Variants in KCNB2 observed in about 807,000 individuals in gnomAD.
KCNB2 encodes the protein delayed rectifier potassium channel protein.
KCNB2 carries 15 observed loss-of-function variants against 61.5 expected under a neutral mutation model. That is an observed-to-expected ratio of 0.24 (90% CI 0.16 to 0.38). The LOEUF (loss-of-function observed/expected upper bound fraction) is 0.38, where lower values mean the gene tolerates loss of function less well. Ranked by LOEUF, KCNB2 falls within the 10% of genes least tolerant of loss-of-function variation. The pLI is 1.00. For missense variants in KCNB2, 828 were observed against 1,125.2 expected (o/e 0.74, Z 3.78); for synonymous variants, 457 against 446.0 (o/e 1.02, Z -0.31).
chr8:72,806,133 G>A (rs555607243), intron 2 of KCNB2, among the ~76,000 whole-genome samples: 2 of 152,246 alleles, frequency 1.3e-5, no homozygotes, highest in South Asian at 4.1e-4. Flanking sequence ...GCCAAGGTGG[G>A]TGGATCACGA....
At chr8:72,834,320 G>C (rs1585919831) in intron 2 of KCNB2, among the ~76,000 whole-genome samples, 1 of 152,088 alleles carries the variant, frequency 6.6e-6, no homozygotes, top group South Asian at 2.1e-4. Flanking sequence ...GATGACTCTA[G>C]AGTTTCGATA....
Position 72,638,741 on chromosome 8 carries a change from A to G in KCNB2, c.579+70428A>G, listed in dbSNP as rs375462861. Among the ~76,000 whole-genome samples, 10 of 152,212 alleles carry G rather than the reference A, an allele frequency of 6.6e-5. No individual in the cohort carries two copies. In the East Asian group the frequency reaches 1.9e-3, roughly 29 times the overall value. On this transcript the variant is annotated intron_variant, in intron 2 of 2. Coordinates refer to ENST00000523207, the MANE Select transcript of KCNB2 (RefSeq NM_004770.3). ...GAAGCCATTTAATGCCATTTTCTCA[A>G]TTTTATGGTTGAAGAAACTATATTG...
chr8:72,701,381 G>T (rs1293663385), intron 2 of KCNB2, among the ~76,000 whole-genome samples: 1 of 152,028 alleles, frequency 6.6e-6, no homozygotes, highest in Non-Finnish European at 1.5e-5. Flanking sequence ...TTACATAAAA[G>T]CAAGCACATC....
At chr8:72,702,400 G>A (rs1054924565) in intron 2 of KCNB2, among the ~76,000 whole-genome samples, 1 of 152,152 alleles carries the variant, frequency 6.6e-6, no homozygotes, top group African/African-American at 2.4e-5. Flanking sequence ...TGTGCCAGCA[G>A]TATGGAGTCT....
chr8:72,736,924 A>G (rs1405537808), intron 2 of KCNB2, among the ~76,000 whole-genome samples: 1 of 152,118 alleles, frequency 6.6e-6, no homozygotes, highest in Non-Finnish European at 1.5e-5. Flanking sequence ...GAATATACAT[A>G]TATAAATATT....
intron 2 of KCNB2, among the ~76,000 whole-genome samples, chr8:72,837,356 A>T (rs944623662): frequency 2.0e-5 from 3 of 152,162 alleles, no homozygotes; most frequent in Non-Finnish European, 4.4e-5. Flanking sequence ...TGCTGGGGGA[A>T]TTTGAGCCCT....
intron 2 of KCNB2, among the ~76,000 whole-genome samples, chr8:72,616,514 G>A (rs1032035878): frequency 5.9e-5 from 9 of 152,080 alleles, no homozygotes; most frequent in African/African-American, 2.2e-4. Context: ...TCAGGTCTCA[G>A]TTCATATATT....
rs150200548 is a variant in KCNB2, at chr8:72,763,375, AG to A, written c.580-172559del. 7.7e-3 allele frequency among the ~76,000 whole-genome samples: 1,177 copies of A among 152,160 alleles called. 14 individuals are homozygous for A. The highest frequency in any genetic ancestry group is 0.026 in the African/African-American group (1,092 of 41,506). On this transcript the variant is annotated intron_variant, in intron 2 of 2. Transcript: ENST00000523207. ...CCAAGGCAATTACAACAAGCACCGAAGTATCAGAACCACTGATTTTTTGCTA... is the reference window on the plus strand; with the variant it reads ...CCAAGGCAATTACAACAAGCACCGAATATCAGAACCACTGATTTTTTGCTA...
At chr8:72,601,036 C>T (rs143168530) in intron 2 of KCNB2, among the ~76,000 whole-genome samples, 3,055 of 151,724 alleles carry the variant, frequency 0.02, 55 homozygotes, top group South Asian at 0.079. Context: ...AAGTTCTACT[C>T]ACAACCATTT....
In KCNB2 at chr8:72,632,207, C is replaced by T. The variant is rs190949134; in HGVS notation, c.579+63894C>T. Among the ~76,000 whole-genome samples the T allele has an allele frequency of 4.3e-3, 650 of 152,168 alleles. 8 individuals carry two copies. In the Middle Eastern group the frequency reaches 0.078, roughly 18 times the overall value. On this transcript the variant is annotated intron_variant, in intron 2 of 2. Coordinates refer to ENST00000523207, the MANE Select transcript of KCNB2 (RefSeq NM_004770.3). ...GCTGCAGTGAGCTGTCTACTTACTA[C>T]AGCACTCCAGCCTGGGAGACAGAGT...
At chr8:72,882,952 A>G (rs1805742402) in intron 2 of KCNB2, among the ~76,000 whole-genome samples, 1 of 152,152 alleles carries the variant, frequency 6.6e-6, no homozygotes, top group Non-Finnish European at 1.5e-5. Context: ...AGTTGTGGCC[A>G]CTTCCCTCTT....
intron 2 of KCNB2, among the ~76,000 whole-genome samples, chr8:72,676,539 G>C (rs1806656567): frequency 6.7e-6 from 1 of 149,924 alleles, no homozygotes; most frequent in Admixed American, 6.8e-5. Flanking sequence ...TCACATACTA[G>C]ATCATAACTC....
At chr8:72,857,491 G>A (rs1810224488) in intron 2 of KCNB2, among the ~76,000 whole-genome samples, 1 of 152,124 alleles carries the variant, frequency 6.6e-6, no homozygotes, top group Admixed American at 6.6e-5. Flanking sequence ...TAGTGAGGCT[G>A]GAGAAGTAGG....
At chr8:72,545,972 G>A (rs1806251426) in intron 1 of KCNB2, among the ~76,000 whole-genome samples, 1 of 152,150 alleles carries the variant, frequency 6.6e-6, no homozygotes, top group South Asian at 2.1e-4. Context: ...TCCAGAACAA[G>A]ACCTTAACTC....
intron 1 of KCNB2, among the ~76,000 whole-genome samples, chr8:72,548,653 G>GC (rs1806298920): frequency 6.6e-6 from 1 of 151,182 alleles, no homozygotes; most frequent in South Asian, 2.1e-4. Context: ...AAGTCATTGG[G>GC]TTTTTTTTTC....
At chr8:72,620,279 A>G (rs1805695327) in intron 2 of KCNB2, among the ~76,000 whole-genome samples, 1 of 152,258 alleles carries the variant, frequency 6.6e-6, no homozygotes, top group East Asian at 1.9e-4. Context: ...GTTCTGCCAG[A>G]GAGCCTGATC....
At chr8:72,641,313 A>T (rs1482383584) in intron 2 of KCNB2, among the ~76,000 whole-genome samples, 1 of 152,074 alleles carries the variant, frequency 6.6e-6, no homozygotes, top group African/African-American at 2.4e-5. Flanking sequence ...GCACCTCACA[A>T]TATACTTATT....
At chr8:72,904,222 G>A (rs1806134148) in intron 2 of KCNB2, among the ~76,000 whole-genome samples, 1 of 152,102 alleles carries the variant, frequency 6.6e-6, no homozygotes, top group Non-Finnish European at 1.5e-5. Context: ...TTATTCAGAT[G>A]CATAGCTACA....
At chr8:72,645,009 C>T (rs1806108180) in intron 2 of KCNB2, among the ~76,000 whole-genome samples, 1 of 152,090 alleles carries the variant, frequency 6.6e-6, no homozygotes, top group African/African-American at 2.4e-5. Flanking sequence ...GCAAACAGTG[C>T]CAGAGTTTCC....
Sources: allele counts gnomAD v4.1 joint callset (sites outside exome capture counted in the v4.1 genomes callset), GRCh38; gene constraint gnomAD v4.1.1; transcripts MANE v1.5; gene names NCBI Gene and HGNC (gene_info 2026-07-23, HGNC 2026-07-21).